The following MRTFA variants were observed in gnomAD, a reference collection of about 807,000 sequenced individuals.
MRTFA encodes the protein myocardin-related transcription factor A.
Under a neutral mutation model 83.5 loss-of-function variants are expected in MRTFA, and 20 were observed. The observed-to-expected ratio is 0.24, with a 90% CI of 0.17 to 0.35. The LOEUF is 0.35. Among genes scored for constraint, MRTFA ranks in the 10% least tolerant of loss-of-function variants. The pLI, the probability that MRTFA is intolerant of heterozygous loss-of-function variation, is 1.00. For missense variants in MRTFA, 1,200 were observed against 1,224.7 expected, an observed-to-expected ratio of 0.98 and a Z score of 0.30; for synonymous variants, 659 against 541.2, an observed-to-expected ratio of 1.22 and a Z score of -3.02.
At chr22:40,412,187 C>T (rs1445686389) in intron 14 of MRTFA, 3 of 278,512 alleles carry the variant, frequency 1.1e-5, no homozygotes, top group Non-Finnish European at 2.0e-5. Flanking sequence ...AAGATTTGAA[C>T]AGACATTTTT....
At chr22:40,471,117 C>G (rs1305611640) in intron 3 of MRTFA, among the ~76,000 whole-genome samples, 1 of 149,674 alleles carries the variant, frequency 6.7e-6, no homozygotes, top group Non-Finnish European at 1.5e-5. Flanking sequence ...TGTGGTAGCT[C>G]ACACCTGTGA....
intron 3 of MRTFA, among the ~76,000 whole-genome samples, chr22:40,472,576 AT>A (rs1339402635): frequency 6.6e-6 from 1 of 152,066 alleles, no homozygotes. Context: ...ATAACAAATA[AT>A]TTTTTTCTCA....
Position 40,504,989 on chromosome 22 carries a change from G to A in MRTFA, c.242-41703C>T, listed in dbSNP as rs17001995. Among the ~76,000 whole-genome samples the A allele has an allele frequency of 7.5e-3, 1,136 of 152,140 alleles. 13 individuals are homozygous for A. The highest frequency in any genetic ancestry group is 0.026 in the African/African-American group (1,076 of 41,492). ...ATAATGACTATATCTATCCCCAACC[G>A]AATGCTAAGCTCTTTGAGGAAAAGG... On this transcript the variant is annotated intron_variant, in intron 3 of 14. Coordinates refer to ENST00000355630, the MANE Select transcript of MRTFA (RefSeq NM_020831.6).
At chr22:40,541,760 G>A (rs903536942) in intron 3 of MRTFA, among the ~76,000 whole-genome samples, 24 of 150,442 alleles carry the variant, frequency 1.6e-4, no homozygotes, top group African/African-American at 4.9e-4. Flanking sequence ...TCCGCCTCCC[G>A]GGTTCAAGCG....
intron 9 of MRTFA, among the ~76,000 whole-genome samples, chr22:40,421,891 T>C (rs1338854618): frequency 1.3e-5 from 2 of 152,108 alleles, no homozygotes; most frequent in African/African-American, 4.8e-5. Context: ...GTCTAGACCT[T>C]GTGGCAATGA....
intron 1 of MRTFA, among the ~76,000 whole-genome samples, chr22:40,604,128 C>CTT (rs959099655): frequency 5.0e-5 from 7 of 140,850 alleles, no homozygotes; most frequent in African/African-American, 5.2e-5. Flanking sequence ...CTGTTAGTTT[C>CTT]TTTTTTTTTT....
chr22:40,593,985 GA>G (rs879728869), intron 2 of MRTFA, among the ~76,000 whole-genome samples: 13 of 152,236 alleles, frequency 8.5e-5, no homozygotes, highest in Non-Finnish European at 1.6e-4. Flanking sequence ...TATTCTGACA[GA>G]AATAGTTTTG....
intron 2 of MRTFA, among the ~76,000 whole-genome samples, chr22:40,591,264 G>A (rs1480882298): frequency 3.4e-5 from 5 of 147,722 alleles, no homozygotes; most frequent in African/African-American, 1.0e-4. Flanking sequence ...GCAAAAGAGC[G>A]AGACTCCGTC....
intron 1 of MRTFA, among the ~76,000 whole-genome samples, chr22:40,604,941 G>A (rs540636489): frequency 6.6e-6 from 1 of 152,230 alleles, no homozygotes; most frequent in South Asian, 2.1e-4. Context: ...AACCAAACAA[G>A]AAGAGACTAA....
At chr22:40,426,515 A>G (rs1345593907) in intron 7 of MRTFA, among the ~76,000 whole-genome samples, 2 of 152,092 alleles carry the variant, frequency 1.3e-5, no homozygotes, top group East Asian at 3.9e-4. Context: ...TTGCTGGCAA[A>G]TGCTCTGTGC....
intron 4 of MRTFA, among the ~76,000 whole-genome samples, chr22:40,443,712 T>C (rs1469425483): frequency 1.3e-5 from 2 of 152,208 alleles, no homozygotes; most frequent in Non-Finnish European, 2.9e-5. Context: ...AAGTTAGGAA[T>C]CTAGACTTCC....
intron 2 of MRTFA, among the ~76,000 whole-genome samples, chr22:40,571,745 C>T (rs922349180): frequency 1.3e-5 from 2 of 150,974 alleles, no homozygotes; most frequent in South Asian, 2.1e-4. Flanking sequence ...GATGAAACCC[C>T]GTCTCTACTA....
At chr22:40,420,652 A>G in intron 10 of MRTFA, 76 bp from the exon 11 acceptor site, 6 of 1,569,544 alleles carry the variant, frequency 3.8e-6, no homozygotes, top group Non-Finnish European at 5.2e-6. Flanking sequence ...AAGCCTGGGC[A>G]GCAGGATTGG....
chr22:40,604,169 C>T (rs113303399), intron 1 of MRTFA, among the ~76,000 whole-genome samples: 43 of 148,726 alleles, frequency 2.9e-4, no homozygotes, highest in African/African-American at 9.6e-4. Context: ...CTTGCTCTGT[C>T]GCCCAGGCTG....
At chr22:40,631,314 C>G (rs892411998) in intron 1 of MRTFA, among the ~76,000 whole-genome samples, 5 of 152,150 alleles carry the variant, frequency 3.3e-5, no homozygotes, top group African/African-American at 1.2e-4. Flanking sequence ...TGCCCAAAAC[C>G]AATGATGATC....
At chr22:40,540,241 A>T (rs2055266281) in intron 3 of MRTFA, among the ~76,000 whole-genome samples, 1 of 152,132 alleles carries the variant, frequency 6.6e-6, no homozygotes. Context: ...GGAGTATTTC[A>T]CAGGTGGTAG....
intron 2 of MRTFA, among the ~76,000 whole-genome samples, chr22:40,553,210 T>C (rs1405552059): frequency 6.6e-6 from 1 of 152,140 alleles, no homozygotes; most frequent in Non-Finnish European, 1.5e-5. Flanking sequence ...TGCAGCATGA[T>C]GATGCAATAG....
chr22:40,502,148 G>A (rs1441697048), intron 3 of MRTFA, among the ~76,000 whole-genome samples: 295 of 125,752 alleles, frequency 2.3e-3, no homozygotes, highest in Middle Eastern at 4.5e-3. Context: ...GCGGCTGGCC[G>A]GGCGGGGGGC....
intron 1 of MRTFA, among the ~76,000 whole-genome samples, chr22:40,632,598 C>A (rs1191914353): frequency 6.6e-6 from 1 of 152,056 alleles, no homozygotes; most frequent in Non-Finnish European, 1.5e-5. Flanking sequence ...ACCAAACCTA[C>A]CTAATTTTTG....
Sources: gnomAD v4.1 joint callset for allele counts (sites outside exome capture counted in the v4.1 genomes callset) on GRCh38, gnomAD v4.1.1 for gene constraint, MANE v1.5 for transcripts, NCBI Gene and HGNC (gene_info 2026-07-23, HGNC 2026-07-21) for gene names.